PLPPR1: variants seen among roughly 807,000 people sequenced by gnomAD.
PLPPR1 encodes the protein phospholipid phosphatase related 1.
In PLPPR1, 10 loss-of-function variants were observed where a neutral mutation model predicts 33.1. That is an observed-to-expected ratio of 0.30 (90% CI 0.19 to 0.51). The LOEUF is 0.51. Ranked by LOEUF, PLPPR1 falls within the 20% of genes least tolerant of loss-of-function variation. The probability of loss-of-function intolerance (pLI) is 0.97; values close to 1 mark genes in which losing one functional copy is unlikely to be tolerated. For missense variants in PLPPR1, 304 were observed against 408.1 expected (o/e 0.74, Z 2.20); for synonymous variants, 151 against 151.0 (o/e 1.00, Z 0.00).
intron 1 of PLPPR1, among the ~76,000 whole-genome samples, chr9:101,062,149 G>GGTTGTGT (rs374602198): frequency 3.4e-4 from 51 of 148,550 alleles, no homozygotes; most frequent in African/African-American, 1.2e-3. Flanking sequence ...GACAAAATGT[G>GGTTGTGT]GTGTGTGTGT....
intron 4 of PLPPR1, among the ~76,000 whole-genome samples, chr9:101,293,990 C>T (rs1588114564): frequency 1.3e-5 from 2 of 152,202 alleles, no homozygotes; most frequent in East Asian, 3.9e-4. Context: ...ACAAAAAACC[C>T]TTCAAAAAAT....
intron 2 of PLPPR1, among the ~76,000 whole-genome samples, chr9:101,208,480 C>T (rs976406377): frequency 1.3e-5 from 2 of 152,178 alleles, no homozygotes; most frequent in Non-Finnish European, 2.9e-5. Flanking sequence ...ACACTCTTAC[C>T]TCTTTTGGAC....
chr9:101,294,290 T>C (rs1169751098), intron 4 of PLPPR1, among the ~76,000 whole-genome samples: 1 of 151,888 alleles, frequency 6.6e-6, no homozygotes, highest in Non-Finnish European at 1.5e-5. Flanking sequence ...TAACAGGCTC[T>C]GAAATTGTGG....
At chr9:101,232,069 C>A (rs568221060) in intron 2 of PLPPR1, among the ~76,000 whole-genome samples, 6 of 152,050 alleles carry the variant, frequency 3.9e-5, no homozygotes, top group Admixed American at 3.3e-4. Flanking sequence ...AGCATATTGC[C>A]GTGGAAAAAG....
chr9:101,196,034 T>A (rs1044013305), intron 2 of PLPPR1, among the ~76,000 whole-genome samples: 2 of 152,238 alleles, frequency 1.3e-5, no homozygotes, highest in South Asian at 2.1e-4. Flanking sequence ...CACAGGTAGC[T>A]GGTAAATTCA....
intron 1 of PLPPR1, among the ~76,000 whole-genome samples, chr9:101,164,679 G>GT (rs1226436036): frequency 5.3e-5 from 8 of 151,540 alleles, no homozygotes; most frequent in East Asian, 1.9e-4. Flanking sequence ...AAATTTTGCT[G>GT]TTTTTTTTCA....
intron 1 of PLPPR1, among the ~76,000 whole-genome samples, chr9:101,077,039 A>G (rs990479757): frequency 6.6e-6 from 1 of 152,148 alleles, no homozygotes; most frequent in African/African-American, 2.4e-5. Context: ...ACCTCTTGTC[A>G]TATGTCCTTG....
intron 1 of PLPPR1, among the ~76,000 whole-genome samples, chr9:101,160,269 A>G (rs1041708610): frequency 1.3e-5 from 2 of 152,216 alleles, no homozygotes. Context: ...GATACTGAAC[A>G]GGTCACTTAG....
chr9:101,317,437 G>A lies in PLPPR1; in HGVS notation c.886G>A (p.Gly296Arg). ...PSKPKPEDPR[G>R]VPLMAFPRIE... The stretch of plus-strand genomic sequence containing the variant: ...CAAACCCAAGCCTGAGGATCCCCGT[G>A]GAGTACCCCTAATGGCTTTCCCAAG... The change falls in exon 7 of 8, where the codon GGA becomes AGA. Residue 296 changes from glycine to arginine, a missense_variant. Gly to Arg is a moderately radical substitution (Grantham distance 125). Transcript: ENST00000374874. The A allele has an allele frequency of 6.2e-7, 1 of 1,613,964 alleles. No homozygotes were observed. The highest frequency in any genetic ancestry group is 2.2e-5 in the East Asian group (1 of 44,866).
chr9:101,038,939 A>G (rs1830044121), intron 1 of PLPPR1, among the ~76,000 whole-genome samples: 1 of 152,142 alleles, frequency 6.6e-6, no homozygotes, highest in Non-Finnish European at 1.5e-5. Flanking sequence ...GGTGGTGCCC[A>G]TGTTACCTAG....
rs1186349941 is a variant in PLPPR1 at position 101,192,675 on chromosome 9, A to G, written c.63+7118A>G. Among the ~76,000 whole-genome samples, 4 of 152,156 alleles carry G rather than the reference A, an allele frequency of 2.6e-5. No homozygotes were observed. In the East Asian group the frequency reaches 5.8e-4, roughly 22 times the overall value. ...AAAAGAAAACCAATGAAACACACAC[A>G]CACATACACACATACACATACAACC... On this transcript the variant is annotated intron_variant, in intron 2 of 7. Coordinates refer to ENST00000374874, the MANE Select transcript of PLPPR1 (RefSeq NM_207299.2).
At position 101,235,062 on chromosome 9, in the gene PLPPR1, C is replaced by A. The variant is rs1004928227; in HGVS notation, c.64-34818C>A. On this transcript the variant is annotated intron_variant, in intron 2 of 7. Transcript: ENST00000374874. ...TATACCTGACATCTAGCATTTATAT[C>A]ATGGCAGATGTGGAAAGAATTGCAT... Among the ~76,000 whole-genome samples, 5 of 151,778 alleles carry A rather than the reference C, an allele frequency of 3.3e-5. No homozygotes were observed. In the East Asian group the frequency reaches 9.7e-4, roughly 29 times the overall value.
At chr9:101,227,274 T>C (rs1449346507) in intron 2 of PLPPR1, among the ~76,000 whole-genome samples, 1 of 148,908 alleles carries the variant, frequency 6.7e-6, no homozygotes, top group East Asian at 1.9e-4. Context: ...AATAAAAAAA[T>C]GTAAAAGTGT....
In PLPPR1 at chr9:101,231,535, T is replaced by TATTG. The variant is rs202030011; in HGVS notation, c.64-38340_64-38337dup. On this transcript the variant is annotated intron_variant, in intron 2 of 7. Coordinates refer to ENST00000374874, the MANE Select transcript of PLPPR1 (RefSeq NM_207299.2). ...TTTAAAATGTCTTATGTGATTATCC[T>TATTG]ATTGATTGGGGCTAACCAAGGCTCT... Among the ~76,000 whole-genome samples the TATTG allele has an allele frequency of 8.0e-4, 122 of 152,200 alleles. No individual in the cohort carries two copies. The East Asian group carries it at 0.021, about 27-fold the overall frequency.
chr9:101,134,471 C>T (rs548796714), intron 1 of PLPPR1, among the ~76,000 whole-genome samples: 57 of 151,910 alleles, frequency 3.8e-4, no homozygotes, highest in Admixed American at 3.9e-4. Flanking sequence ...CAACCTCTGC[C>T]TCCTGGGCTC....
At chr9:101,040,218 T>C (rs74921076) in intron 1 of PLPPR1, among the ~76,000 whole-genome samples, 2,107 of 152,292 alleles carry the variant, frequency 0.014, 55 homozygotes, top group African/African-American at 0.048. Context: ...CTATTATCAC[T>C]ATTAGTTAAA....
chr9:101,036,623 C>T lies in PLPPR1; in HGVS notation c.-46+7521C>T, dbSNP rs953668543. Among the ~76,000 whole-genome samples, 10 of 148,806 alleles carry T rather than the reference C, an allele frequency of 6.7e-5. No individual in the cohort carries two copies. In the Admixed American group the frequency reaches 6.7e-4, roughly 10 times the overall value. ...TGGTCTTGGCTTATGGCACTGCTGG[C>T]CTGTTTTGAAGATTTGAGGTCAGAA... On this transcript the variant is annotated intron_variant, in intron 1 of 7. Transcript: ENST00000374874.
intron 1 of PLPPR1, chr9:101,185,069 C>G (rs774109924): frequency 3.2e-5 from 5 of 154,110 alleles, no homozygotes; most frequent in Non-Finnish European, 7.2e-5. Flanking sequence ...GGATTAGGAA[C>G]AAGTAAGAGA....
At chr9:101,313,033 A>G (rs543883655) in intron 6 of PLPPR1, 59 bp downstream of exon 6, 4 of 1,530,132 alleles carry the variant, frequency 2.6e-6, no homozygotes, top group African/African-American at 1.4e-5. Context: ...AAAAACTGTG[A>G]GTCAGGTTTC....
Sources: gnomAD v4.1 joint callset for allele counts (sites outside exome capture counted in the v4.1 genomes callset) on GRCh38, gnomAD v4.1.1 for gene constraint, MANE v1.5 for transcripts, NCBI Gene and HGNC (gene_info 2026-07-23, HGNC 2026-07-21) for gene names.